TUT4: variants seen among roughly 807,000 people sequenced by gnomAD.
The protein encoded by TUT4 is terminal uridylyltransferase 4.
A neutral mutation model predicts 192.2 loss-of-function variants in TUT4; 36 were observed. That is an observed-to-expected ratio of 0.19 (90% confidence interval 0.14 to 0.25). TUT4 has a LOEUF of 0.25. Ranked by LOEUF, TUT4 falls within the 10% of genes least tolerant of loss-of-function variation. The pLI is 1.00. For missense variants in TUT4, 1,493 were observed against 1,957.2 expected (o/e 0.76, Z 4.47); for synonymous variants, 618 against 666.0 (o/e 0.93, Z 1.11).
At position 52,534,800 on chromosome 1, in the gene TUT4, C is replaced by CTGCA. The variant is rs577056045; in HGVS notation, c.-93-8431_-93-8428dup. On this transcript the variant is annotated intron_variant, in intron 1 of 29. Transcript: ENST00000257177. ...ATCACTTGAGCCCAGGAGGTCAAGG[C>CTGCA]TGCAGTGAGCCGTGATGGCACCACT... Among the ~76,000 whole-genome samples, 565 of 152,200 alleles carry CTGCA rather than the reference C, an allele frequency of 3.7e-3. 3 individuals carry two copies. Among genetic ancestry groups the CTGCA allele is most frequent in the Non-Finnish European group, 6.2e-3 (420 of 68,014 alleles).
chr1:52,500,023 G>C (rs1673660419), intron 4 of TUT4, among the ~76,000 whole-genome samples: 1 of 151,700 alleles, frequency 6.6e-6, no homozygotes, highest in Admixed American at 6.6e-5. Flanking sequence ...TTGGGAGGCT[G>C]AGGCAGGAGA....
chr1:52,484,408 G>C (rs1669279621), intron 9 of TUT4, among the ~76,000 whole-genome samples: 2 of 152,012 alleles, frequency 1.3e-5, no homozygotes, highest in Non-Finnish European at 2.9e-5. Context: ...TTGTATAAGG[G>C]ACTTGAGCGT....
chr1:52,546,759 T>A (rs1053222165), intron 1 of TUT4, among the ~76,000 whole-genome samples: 4 of 152,222 alleles, frequency 2.6e-5, no homozygotes, highest in African/African-American at 9.7e-5. Flanking sequence ...ATGTACACTT[T>A]ATCACAATTT....
At chr1:52,514,521 A>G (rs1678171643) in intron 3 of TUT4, among the ~76,000 whole-genome samples, 1 of 152,154 alleles carries the variant, frequency 6.6e-6, no homozygotes, top group Non-Finnish European at 1.5e-5. Flanking sequence ...AATACTAACT[A>G]TACAACCCAA....
intron 20 of TUT4, among the ~76,000 whole-genome samples, chr1:52,454,022 A>G (rs1290001042): frequency 6.6e-6 from 1 of 152,252 alleles, no homozygotes; most frequent in Non-Finnish European, 1.5e-5. Flanking sequence ...GTCTAACAAA[A>G]TATGTGCAAG....
rs536264375 is a variant in TUT4 at position 52,425,548 on chromosome 1, A to T, written c.4712-41T>A. 3.2e-4 allele frequency: 493 copies of T among 1,560,534 alleles called. 8 individuals are homozygous for T. In the South Asian group the frequency reaches 5.5e-3, roughly 18 times the overall value. On this transcript the variant is annotated intron_variant, in intron 28 of 29. Coordinates refer to ENST00000257177, the MANE Select transcript of TUT4 (RefSeq NM_001009881.3). ...AGGGAAAAAGACATTTAAAAACATTAGTTCATTCATTGAAATATCCCTTCA... is the reference window on the plus strand; with the variant it reads ...AGGGAAAAAGACATTTAAAAACATTTGTTCATTCATTGAAATATCCCTTCA...
In TUT4 at chr1:52,509,690, C is replaced by A. The variant is rs749320886; in HGVS notation, c.905G>T (p.Cys302Phe). The A allele has an allele frequency of 3.7e-6, 6 of 1,609,742 alleles. No individual in the cohort carries two copies. Among genetic ancestry groups the A allele is most frequent in the Non-Finnish European group, 5.1e-6 (6 of 1,176,604 alleles). ...LEKRSPEYTN[C>F]RYLCKLCLIH... ...TAAGCAAAGTTTGCATAGATACCGACAATTGGTATATTCTGGTGATCGCTG... is the reference window on the plus strand; with the variant it reads ...TAAGCAAAGTTTGCATAGATACCGAAAATTGGTATATTCTGGTGATCGCTG... The change falls in exon 4 of 30, where the codon TGT (cysteine) becomes TTT (phenylalanine). Residue 302 changes from cysteine to phenylalanine, a missense_variant. Coordinates refer to ENST00000257177, the MANE Select transcript of TUT4 (RefSeq NM_001009881.3).
At chr1:52,447,626 T>C (rs1389517664) in intron 20 of TUT4, among the ~76,000 whole-genome samples, 1 of 152,186 alleles carries the variant, frequency 6.6e-6, no homozygotes, top group Non-Finnish European at 1.5e-5. Context: ...GTAAGATGTC[T>C]GTGTAACTGA....
chr1:52,525,726 T>C lies in TUT4; in HGVS notation c.555A>G (p.Pro185=), dbSNP rs1378835231. The change falls in exon 2 of 30, where the codon CCA becomes CCG. Residue 185 remains proline (P), a synonymous_variant. Transcript: ENST00000257177. ...CTTTGTCCACAGAAGTAAAGGAGCT[T>C]GGAATTTTTTTTCCAATCTGTTGTA... The part of the protein sequence containing the change: ...TELQQIGKKI[P]SSFTSVDKVN... The C allele has an allele frequency of 6.2e-7, 1 of 1,614,180 alleles. No individual in the cohort carries two copies. Among genetic ancestry groups the C allele is most frequent in the East Asian group, 2.2e-5 (1 of 44,880 alleles).
intron 16 of TUT4, chr1:52,463,642 C>T: frequency 7.7e-7 from 1 of 1,302,702 alleles, no homozygotes; most frequent in Non-Finnish European, 1.0e-6. Flanking sequence ...AATAGCTAGG[C>T]TGGTAAAGGA....
At position 52,526,230 on chromosome 1, in the gene TUT4, A is replaced by G. The variant is rs1188015508; in HGVS notation, c.51T>C (p.Asn17=). The G allele has an allele frequency of 6.3e-7, 1 of 1,592,982 alleles. No individual in the cohort carries two copies. Among genetic ancestry groups the G allele is most frequent in the Non-Finnish European group, 8.5e-7 (1 of 1,175,248 alleles). The stretch of plus-strand genomic sequence containing the variant: ...CTGCTTTGCTTTCTTCACAAATAAC[A>G]TTCTTCTTTGGTTCATGATTTTCAC... The part of the protein sequence containing the change: ...LKSENHEPKK[N]VICEESKAVQ... The change falls in exon 2 of 30, where the codon AAT becomes AAC. Residue 17 remains asparagine, a synonymous_variant. Transcript: ENST00000257177.
chr1:52,522,153 T>C (rs140711545), intron 2 of TUT4, among the ~76,000 whole-genome samples: 1 of 152,198 alleles, frequency 6.6e-6, no homozygotes, highest in East Asian at 1.9e-4. Context: ...ATATTATACA[T>C]GAATTTAAAG....
At chr1:52,512,392 C>T (rs1677421498) in intron 3 of TUT4, among the ~76,000 whole-genome samples, 1 of 152,066 alleles carries the variant, frequency 6.6e-6, no homozygotes, top group Admixed American at 6.6e-5. Context: ...GTTATCAATC[C>T]CATTTTACTG....
At chr1:52,483,991 T>C (rs900165765) in intron 9 of TUT4, among the ~76,000 whole-genome samples, 5 of 151,846 alleles carry the variant, frequency 3.3e-5, no homozygotes, top group African/African-American at 1.2e-4. Context: ...AAAATATATA[T>C]AATTGAAAAA....
At chr1:52,507,618 C>A (rs1264071077) in intron 4 of TUT4, among the ~76,000 whole-genome samples, 1 of 152,112 alleles carries the variant, frequency 6.6e-6, no homozygotes, top group African/African-American at 2.4e-5. Context: ...ACGGGCTGAG[C>A]ATCCCTAATC....
In TUT4 at chr1:52,515,096, C is replaced by T. The variant is rs557793412; in HGVS notation, c.882+795G>A. Reference sequence around the variant, plus strand: ...CCTGGCCGTGATTTGTGATTCTTTCCTTCAAAACCTAGCAGTGTTTTTATT... The same window carrying T: ...CCTGGCCGTGATTTGTGATTCTTTCTTTCAAAACCTAGCAGTGTTTTTATT... On this transcript the variant is annotated intron_variant, in intron 3 of 29. Transcript: ENST00000257177. The T allele has an allele frequency of 2.0e-5, 3 of 152,230 alleles. No individual in the cohort carries two copies. The East Asian group carries it at 5.8e-4, about 29-fold the overall frequency. The allele number at this position is 152,230 out of a possible 1,614,324, so 9.4% of individuals were successfully genotyped here.
At chr1:52,523,409 C>A (rs1022382648) in intron 2 of TUT4, among the ~76,000 whole-genome samples, 5 of 152,070 alleles carry the variant, frequency 3.3e-5, no homozygotes, top group Non-Finnish European at 5.9e-5. Context: ...AGTTCAAGAC[C>A]AGCTTAGCCA....
intron 4 of TUT4, among the ~76,000 whole-genome samples, chr1:52,500,014 T>G (rs1311130165): frequency 6.6e-6 from 1 of 151,216 alleles, no homozygotes; most frequent in Non-Finnish European, 1.5e-5. Context: ...CCCAGCTACT[T>G]GGGAGGCTGA....
intron 16 of TUT4, among the ~76,000 whole-genome samples, chr1:52,464,473 C>T (rs1171487659): frequency 1.3e-5 from 2 of 152,106 alleles, no homozygotes; most frequent in Non-Finnish European, 2.9e-5. Flanking sequence ...CCAGGAGTGT[C>T]TTGATCTCTT....
Sources: allele counts gnomAD v4.1 joint callset (sites outside exome capture counted in the v4.1 genomes callset), GRCh38; gene constraint gnomAD v4.1.1; transcripts MANE v1.5; gene names NCBI Gene and HGNC (gene_info 2026-07-23, HGNC 2026-07-21).